Variants in COG5 observed in about 807,000 individuals in gnomAD.
The protein encoded by COG5 is component of oligomeric golgi complex 5.
Under a neutral mutation model 110.4 loss-of-function variants are expected in COG5, and 86 were observed. The observed-to-expected ratio is 0.78, with a 90% confidence interval of 0.65 to 0.93. COG5 has a LOEUF of 0.93. COG5 is among the 40% of genes least tolerant of loss of function. The pLI is 0.00. For missense variants in COG5, 1,077 were observed against 987.0 expected, an observed-to-expected ratio of 1.09 and a Z score of -1.22; for synonymous variants, 360 against 334.6, an observed-to-expected ratio of 1.08 and a Z score of -0.83.
intron 10 of COG5, among the ~76,000 whole-genome samples, chr7:107,337,738 G>T (rs999021672): frequency 6.6e-6 from 1 of 152,096 alleles, no homozygotes. Flanking sequence ...TTCAATAGCA[G>T]AGTAAGGTGG....
At chr7:107,391,102 A>AG (rs34156592) in intron 7 of COG5, among the ~76,000 whole-genome samples, 1 of 151,800 alleles carries the variant, frequency 6.6e-6, no homozygotes. Flanking sequence ...TGGTGGGAGG[A>AG]GGGGGGAGGG....
At position 107,248,385 on chromosome 7, in the gene COG5, G is replaced by A; in HGVS notation, c.1853+11C>T. 1.3e-6 allele frequency: 2 copies of A among 1,558,082 alleles called. No individual in the cohort carries two copies. The highest frequency in any genetic ancestry group is 1.8e-6 in the Non-Finnish European group (2 of 1,129,296). On this transcript the variant is annotated intron_variant, in intron 17 of 21. Coordinates refer to ENST00000297135, the MANE Select transcript of COG5 (RefSeq NM_006348.5). ...GTAAAAGTTAGTAAAAATTTGGTTAGAAGTAATTACCCAGAAAAGTCTTCT... is the reference window on the plus strand; with the variant it reads ...GTAAAAGTTAGTAAAAATTTGGTTAAAAGTAATTACCCAGAAAAGTCTTCT...
intron 6 of COG5, among the ~76,000 whole-genome samples, chr7:107,471,139 G>A (rs1387223971): frequency 1.3e-5 from 2 of 151,948 alleles, no homozygotes; most frequent in African/African-American, 4.8e-5. Flanking sequence ...TCTCACAATT[G>A]TATTTGAAAT....
At chr7:107,305,785 G>C (rs1169275092) in intron 11 of COG5, among the ~76,000 whole-genome samples, 3 of 151,960 alleles carry the variant, frequency 2.0e-5, no homozygotes, top group Non-Finnish European at 2.9e-5. Flanking sequence ...AAGTGGAATG[G>C]TATGACAGCT....
At chr7:107,209,795 G>A (rs1206976432) in intron 21 of COG5, 1 of 981,710 alleles carries the variant, frequency 1.0e-6, no homozygotes. Context: ...CAATAAAAAT[G>A]TGCTGAGTCC....
At chr7:107,486,115 C>T (rs920959225) in intron 6 of COG5, among the ~76,000 whole-genome samples, 1 of 152,008 alleles carries the variant, frequency 6.6e-6, no homozygotes, top group Non-Finnish European at 1.5e-5. Context: ...AGGTTATATT[C>T]GTGTTTGCCA....
intron 14 of COG5, among the ~76,000 whole-genome samples, chr7:107,273,703 A>T (rs905663246): frequency 1.3e-5 from 2 of 151,856 alleles, no homozygotes; most frequent in African/African-American, 4.9e-5. Context: ...TGAATTCAAG[A>T]TTCAATTGCT....
chr7:107,239,825 T>C (rs560503579), intron 17 of COG5, among the ~76,000 whole-genome samples: 15 of 152,322 alleles, frequency 9.8e-5, no homozygotes, highest in South Asian at 8.3e-4. Flanking sequence ...TTTCATACCA[T>C]TGTCATTAGA....
intron 6 of COG5, among the ~76,000 whole-genome samples, chr7:107,524,623 C>T (rs1800593074): frequency 6.6e-6 from 1 of 152,054 alleles, no homozygotes; most frequent in Non-Finnish European, 1.5e-5. Flanking sequence ...CTTATTTTTC[C>T]TTGGCTTCTC....
chr7:107,345,051 T>C (rs1237408933), intron 10 of COG5, among the ~76,000 whole-genome samples: 3 of 152,188 alleles, frequency 2.0e-5, no homozygotes, highest in African/African-American at 4.8e-5. Flanking sequence ...TAGAGGTCAC[T>C]GTAGGGTTAT....
At position 107,362,417 on chromosome 7, in the gene COG5, C is replaced by G; in HGVS notation, c.839G>C (p.Gly280Ala). 1 of 1,607,654 alleles carries G rather than the reference C, an allele frequency of 6.2e-7. No individual in the cohort carries two copies. Among genetic ancestry groups the G allele is most frequent in the Admixed American group, 1.7e-5 (1 of 59,970 alleles). Reference sequence around the variant, plus strand: ...GGTTGGCATGGTAGATCGTCCAGGTCCCCCTGGTTATGAGTGAGAAAGAAC... The same window carrying G: ...GGTTGGCATGGTAGATCGTCCAGGTGCCCCTGGTTATGAGTGAGAAAGAAC... ...TQPSQSAVRG[G>A]PGRSTMPTPG... is the part of the protein sequence containing the mutation. The change falls in exon 9 of 22, where the codon GGA becomes GCA. Residue 280 changes from glycine (G) to alanine (A), a missense_variant. By Grantham distance (60) the Gly-to-Ala change is moderately conservative (BLOSUM62 0). Transcript: ENST00000297135.
intron 11 of COG5, among the ~76,000 whole-genome samples, chr7:107,311,123 A>C (rs553518941): frequency 1.3e-5 from 2 of 152,274 alleles, no homozygotes; most frequent in African/African-American, 4.8e-5. Flanking sequence ...TATGCGATAG[A>C]TCCTTAAAAG....
At chr7:107,545,591 C>A (rs1802352602) in intron 5 of COG5, among the ~76,000 whole-genome samples, 1 of 151,942 alleles carries the variant, frequency 6.6e-6, no homozygotes, top group Non-Finnish European at 1.5e-5. Flanking sequence ...ACCAGCCTGG[C>A]CAAGAAGGCG....
intron 19 of COG5, among the ~76,000 whole-genome samples, chr7:107,229,270 G>A (rs1383845693): frequency 6.6e-6 from 1 of 152,126 alleles, no homozygotes; most frequent in Non-Finnish European, 1.5e-5. Context: ...CCAACATGGT[G>A]AAACACCGTC....
intron 6 of COG5, among the ~76,000 whole-genome samples, chr7:107,428,201 A>T (rs1390641094): frequency 6.6e-6 from 1 of 152,168 alleles, no homozygotes; most frequent in Non-Finnish European, 1.5e-5. Flanking sequence ...TGGCCTTCAC[A>T]CTTTAAATTG....
chr7:107,347,456 T>A (rs1403882498), intron 10 of COG5, among the ~76,000 whole-genome samples: 1 of 152,204 alleles, frequency 6.6e-6, no homozygotes, highest in Non-Finnish European at 1.5e-5. Context: ...TGTAGCTTTC[T>A]ATAGATTTTG....
chr7:107,520,763 T>C (rs1312037172), intron 6 of COG5, among the ~76,000 whole-genome samples: 2 of 152,132 alleles, frequency 1.3e-5, no homozygotes. Flanking sequence ...CAAACTACCA[T>C]TAACATTCTT....
chr7:107,231,203 G>T (rs1562924414), intron 18 of COG5, among the ~76,000 whole-genome samples: 1 of 152,036 alleles, frequency 6.6e-6, no homozygotes. Context: ...TTAAGTCTCA[G>T]GTCTCTCATC....
chr7:107,235,531 T>C (rs940922677), intron 18 of COG5, among the ~76,000 whole-genome samples: 1 of 152,144 alleles, frequency 6.6e-6, no homozygotes, highest in Non-Finnish European at 1.5e-5. Context: ...GGTTAAACCC[T>C]GTCTGTACTA....
Sources: gnomAD v4.1 joint callset for allele counts (sites outside exome capture counted in the v4.1 genomes callset) on GRCh38, gnomAD v4.1.1 for gene constraint, MANE v1.5 for transcripts, NCBI Gene and HGNC (gene_info 2026-07-23, HGNC 2026-07-21) for gene names.